The following SGMS2 variants were observed in gnomAD, a reference collection of about 807,000 sequenced individuals.
SGMS2 encodes phosphatidylcholine:ceramide cholinephosphotransferase 2.
Under a neutral mutation model 43.8 loss-of-function variants are expected in SGMS2, and 21 were observed. The ratio of observed to expected loss-of-function variants is 0.48; its 90% CI spans 0.34 to 0.69. The LOEUF is 0.69. Ranked by LOEUF, SGMS2 falls within the 30% of genes least tolerant of loss-of-function variation. The pLI is 0.01. For missense variants in SGMS2, 384 were observed against 443.2 expected (o/e 0.87, Z 1.20); for synonymous variants, 167 against 160.6 (o/e 1.04, Z -0.30).
intron 2 of SGMS2, among the ~76,000 whole-genome samples, chr4:107,876,466 G>C (rs1288071543): frequency 6.6e-6 from 1 of 152,180 alleles, no homozygotes; most frequent in Non-Finnish European, 1.5e-5. Context: ...TCTCAAAACA[G>C]AGAGGTAATA....
chr4:107,871,402 G>T (rs1728548251), intron 2 of SGMS2, among the ~76,000 whole-genome samples: 1 of 151,822 alleles, frequency 6.6e-6, no homozygotes, highest in African/African-American at 2.4e-5. Flanking sequence ...GTTATTTCAG[G>T]CTGTTTTCTA....
intron 1 of SGMS2, among the ~76,000 whole-genome samples, chr4:107,843,877 A>G (rs1194651797): frequency 2.6e-5 from 4 of 152,350 alleles, no homozygotes; most frequent in East Asian, 1.9e-4. Flanking sequence ...TAAAACTTAC[A>G]TGGAATTTTG....
chr4:107,862,337 TA>T (rs1213351230), intron 2 of SGMS2, among the ~76,000 whole-genome samples: 4 of 152,222 alleles, frequency 2.6e-5, no homozygotes, highest in African/African-American at 4.8e-5. Flanking sequence ...TATTTGTATT[TA>T]TGACGGTATT....
chr4:107,873,639 TC>T (rs1728703384), intron 2 of SGMS2, among the ~76,000 whole-genome samples: 1 of 152,066 alleles, frequency 6.6e-6, no homozygotes, highest in South Asian at 2.1e-4. Flanking sequence ...AATGAACTGT[TC>T]CTGAGAGAGT....
chr4:107,856,640 G>A (rs1236794666), intron 1 of SGMS2, among the ~76,000 whole-genome samples: 1 of 152,140 alleles, frequency 6.6e-6, no homozygotes, highest in Non-Finnish European at 1.5e-5. Context: ...AGTGAAACGA[G>A]AAAAACATCC....
chr4:107,857,363 T>TG (rs201623998), intron 1 of SGMS2, among the ~76,000 whole-genome samples: 2,643 of 151,962 alleles, frequency 0.017, 34 homozygotes, highest in South Asian at 0.053. Flanking sequence ...TTCATTTTTT[T>TG]GGGGGGTATA....
chr4:107,847,891 T>C (rs1328101278), intron 1 of SGMS2, among the ~76,000 whole-genome samples: 1 of 152,196 alleles, frequency 6.6e-6, no homozygotes, highest in Non-Finnish European at 1.5e-5. Context: ...ATTAGTGTAG[T>C]ACACTTTGTA....
intron 2 of SGMS2, chr4:107,867,460 T>C (rs1728209334): frequency 6.6e-6 from 1 of 152,210 alleles, no homozygotes; most frequent in South Asian, 2.1e-4. Flanking sequence ...ATAGCAGGGC[T>C]GTGCTATCCC....
At chr4:107,840,498 C>T (rs559346780) in intron 1 of SGMS2, among the ~76,000 whole-genome samples, 29 of 152,126 alleles carry the variant, frequency 1.9e-4, no homozygotes, top group South Asian at 4.1e-4. Flanking sequence ...CTATTAGCAG[C>T]TCAGTTATTG....
At chr4:107,858,352 G>A (rs1022669622) in intron 1 of SGMS2, 120 bp from the exon 2 acceptor site, 1 of 152,138 alleles carries the variant, frequency 6.6e-6, no homozygotes, top group East Asian at 1.9e-4. Flanking sequence ...GGCCAGTATT[G>A]GAGAGCTCTA....
In SGMS2 at chr4:107,911,792, G is replaced by T. The variant is rs1480553019; in HGVS notation, c.*1239G>T. ...ATAACTGTTTCTAAATTTCTTTAAG[G>T]TGATGCCAAAAAATGGATTAAAAAA... On this transcript the variant is annotated 3_prime_UTR_variant, in exon 7 of 7. Transcript: ENST00000690982. 6.6e-6 allele frequency: 1 copy of T among 151,134 alleles called. No homozygotes were observed. The highest frequency in any genetic ancestry group is 2.4e-5 in the African/African-American group (1 of 41,334). The allele number at this position is 151,134 out of a possible 1,614,324, so 9.4% of individuals were successfully genotyped here.
chr4:107,881,290 CTT>C (rs1729324379), intron 2 of SGMS2, among the ~76,000 whole-genome samples: 1 of 151,904 alleles, frequency 6.6e-6, no homozygotes, highest in Non-Finnish European at 1.5e-5. Context: ...TTGATTGTCT[CTT>C]AATCTTTTTC....
At chr4:107,876,227 C>T (rs1728903136) in intron 2 of SGMS2, among the ~76,000 whole-genome samples, 1 of 151,986 alleles carries the variant, frequency 6.6e-6, no homozygotes, top group African/African-American at 2.4e-5. Context: ...ACATTAGACT[C>T]CTACAAGGAA....
chr4:107,882,576 A>C (rs1024217220), intron 2 of SGMS2, among the ~76,000 whole-genome samples: 1 of 152,018 alleles, frequency 6.6e-6, no homozygotes, highest in African/African-American at 2.4e-5. Flanking sequence ...TGATTGTTTC[A>C]ATTTTTAAAA....
chr4:107,895,361 T>C lies in SGMS2; in HGVS notation c.-193T>C. 1 of 538,074 alleles carries C rather than the reference T, an allele frequency of 1.9e-6. No homozygotes were observed. The highest frequency in any genetic ancestry group is 3.2e-6 in the Non-Finnish European group (1 of 315,706). 33.3% of individuals were successfully genotyped at this position (538,074 alleles called of 1,614,324 possible). ...AAGAATTGGCTTCCTTTCTTGAAAG[T>C]GGTGAAGGTACAGCATATAGCTGCA... On this transcript the variant is annotated 5_prime_UTR_variant, in exon 3 of 7. Coordinates refer to ENST00000690982, the MANE Select transcript of SGMS2 (RefSeq NM_001375905.1).
intron 5 of SGMS2, among the ~76,000 whole-genome samples, chr4:107,906,489 C>G (rs1477248305): frequency 6.6e-6 from 1 of 152,198 alleles, no homozygotes; most frequent in Non-Finnish European, 1.5e-5. Context: ...TACCAAGTCT[C>G]TATTATTTAA....
intron 2 of SGMS2, among the ~76,000 whole-genome samples, chr4:107,877,009 A>G (rs956899884): frequency 6.6e-6 from 1 of 152,192 alleles, no homozygotes; most frequent in Non-Finnish European, 1.5e-5. Flanking sequence ...TTTTAAAACT[A>G]TTAAATGGGA....
At chr4:107,864,871 G>A (rs1727999748) in intron 2 of SGMS2, among the ~76,000 whole-genome samples, 1 of 152,072 alleles carries the variant, frequency 6.6e-6, no homozygotes, top group African/African-American at 2.4e-5. Flanking sequence ...CTTCCTATAA[G>A]TGTATGTTGG....
At chr4:107,835,852 G>T (rs1726139072) in intron 1 of SGMS2, among the ~76,000 whole-genome samples, 1 of 152,124 alleles carries the variant, frequency 6.6e-6, no homozygotes. Context: ...AGCTTACAAA[G>T]AGCAGACTCC....
Sources: gnomAD v4.1 joint callset for allele counts (sites outside exome capture counted in the v4.1 genomes callset) on GRCh38, gnomAD v4.1.1 for gene constraint, MANE v1.5 for transcripts, NCBI Gene and HGNC (gene_info 2026-07-23, HGNC 2026-07-21) for gene names.